LRP1B: variants seen among roughly 807,000 people sequenced by gnomAD.
LRP1B encodes the protein LDL receptor related protein 1B.
In LRP1B, 217 loss-of-function variants were observed where a neutral mutation model predicts 556.6. The observed-to-expected ratio is 0.39, with a 90% CI of 0.35 to 0.44. LRP1B has a LOEUF of 0.44. Ranked by LOEUF, LRP1B falls within the 20% of genes least tolerant of loss-of-function variation. The probability of loss-of-function intolerance (pLI) is 1.00; values close to 1 mark genes in which losing one functional copy is unlikely to be tolerated. For missense variants in LRP1B, 5,053 were observed against 5,620.8 expected (o/e 0.90, Z 3.23); for synonymous variants, 2,047 against 1,865.8 (o/e 1.10, Z -2.50).
At chr2:142,065,587 T>A (rs1705080650) in intron 1 of LRP1B, among the ~76,000 whole-genome samples, 1 of 151,452 alleles carries the variant, frequency 6.6e-6, no homozygotes, top group Non-Finnish European at 1.5e-5. Context: ...CATAATTCCA[T>A]CTTCCACCTT....
chr2:141,099,773 A>C (rs886950891), intron 7 of LRP1B, among the ~76,000 whole-genome samples: 7 of 152,192 alleles, frequency 4.6e-5, no homozygotes, highest in Admixed American at 3.9e-4. Flanking sequence ...CTGTCAACTA[A>C]ATATAGGAAA....
chr2:140,468,825 T>A (rs1398036969), intron 60 of LRP1B, among the ~76,000 whole-genome samples: 2 of 152,222 alleles, frequency 1.3e-5, no homozygotes, highest in African/African-American at 4.8e-5. Context: ...GGTTTTGGTG[T>A]TTGGTCAGAA....
intron 2 of LRP1B, among the ~76,000 whole-genome samples, chr2:141,729,390 T>G (rs930059983): frequency 2.0e-5 from 3 of 152,190 alleles, no homozygotes; most frequent in African/African-American, 7.2e-5. Flanking sequence ...TTACTGGTTT[T>G]GAAGAAGGGT....
chr2:141,938,586 G>T (rs1356836563), intron 1 of LRP1B, among the ~76,000 whole-genome samples: 1 of 152,066 alleles, frequency 6.6e-6, no homozygotes, highest in Non-Finnish European at 1.5e-5. Context: ...TCCTTTTTCT[G>T]GGTATGTATG....
At chr2:140,529,977 C>T (rs975877934) in intron 47 of LRP1B, among the ~76,000 whole-genome samples, 2 of 152,108 alleles carry the variant, frequency 1.3e-5, no homozygotes, top group African/African-American at 2.4e-5. Context: ...TGGCATGTTT[C>T]TTTTCCCCAA....
intron 7 of LRP1B, among the ~76,000 whole-genome samples, chr2:141,117,236 ATT>A (rs34197961): frequency 0.83 from 119,687 of 143,774 alleles, 50,866 homozygotes; most frequent in Non-Finnish European, 0.92. Flanking sequence ...TGGCTACTTC[ATT>A]TTTTTTTTTT....
Position 140,903,030 on chromosome 2 carries a change from C to T in LRP1B, c.3656G>A (p.Ser1219Asn), listed in dbSNP as rs2105222974. The T allele has an allele frequency of 6.2e-7, 1 of 1,613,724 alleles. No homozygotes were observed. The change falls in exon 23 of 91, where the codon AGC (serine) becomes AAC (asparagine). Residue 1219 changes from serine to asparagine, a missense_variant. By Grantham distance (46) the Ser-to-Asn change is conservative. This residue lies in a region of LRP1B where 3,619 missense variants were observed against 3,931.9 expected (regional missense o/e 0.92). Coordinates refer to ENST00000389484, the MANE Select transcript of LRP1B (RefSeq NM_018557.3). The stretch of plus-strand genomic sequence containing the variant: ...TACTTGGCTGCACTTTAGATGATTG[C>T]TACAATAATCCACAATTTCACATGT... Reference protein sequence around the residue: ...NKTCEIVDYCSNHLKCSQVCE... With the variant: ...NKTCEIVDYCNNHLKCSQVCE...
In LRP1B at chr2:140,390,884, A is replaced by T. The variant is rs1459113288; in HGVS notation, c.10415-4875T>A. On this transcript the variant is annotated intron_variant, in intron 66 of 90. Transcript: ENST00000389484. The stretch of plus-strand genomic sequence containing the variant: ...TGCAAATGAAAACTACAATGAGATA[A>T]CACTACATATCTACTGGAATTACTC... 2.0e-5 allele frequency among the ~76,000 whole-genome samples: 3 copies of T among 151,936 alleles called. No individual in the cohort carries two copies. In the East Asian group the frequency reaches 5.8e-4, roughly 29 times the overall value.
intron 18 of LRP1B, among the ~76,000 whole-genome samples, chr2:140,955,235 A>T (rs1434460427): frequency 6.6e-6 from 1 of 151,594 alleles, no homozygotes; most frequent in East Asian, 1.9e-4. Context: ...TGTTTTAAAA[A>T]CCTCTTAAAA....
At chr2:141,298,565 G>C (rs1285405613) in intron 3 of LRP1B, among the ~76,000 whole-genome samples, 1 of 152,086 alleles carries the variant, frequency 6.6e-6, no homozygotes, top group African/African-American at 2.4e-5. Flanking sequence ...GCATCATAGG[G>C]GAGGACAACA....
intron 5 of LRP1B, among the ~76,000 whole-genome samples, chr2:141,230,657 C>T (rs1002929974): frequency 5.3e-5 from 8 of 152,190 alleles, no homozygotes; most frequent in Admixed American, 5.2e-4. Context: ...TCACTCCAGA[C>T]ACACTGCACT....
At chr2:141,183,003 G>A (rs958133188) in intron 7 of LRP1B, among the ~76,000 whole-genome samples, 14 of 151,858 alleles carry the variant, frequency 9.2e-5, no homozygotes, top group African/African-American at 3.1e-4. Flanking sequence ...ACAAAGGGTC[G>A]TATGTTTAAA....
Position 141,947,801 on chromosome 2 carries a change from T to A in LRP1B, c.83-137400A>T, listed in dbSNP as rs906091231. On this transcript the variant is annotated intron_variant, in intron 1 of 90. Transcript: ENST00000389484. ...CTAAAACATCGAGGCAAGAAAAATTTTTTTTTAAATATCAGAAAAAAAAAA... is the reference window on the plus strand; with the variant it reads ...CTAAAACATCGAGGCAAGAAAAATTATTTTTTAAATATCAGAAAAAAAAAA... Among the ~76,000 whole-genome samples the A allele has an allele frequency of 7.9e-5, 8 of 100,740 alleles. No homozygotes were observed. In the Admixed American group the frequency reaches 1.0e-3, roughly 13 times the overall value. 66.1% of individuals were successfully genotyped at this position (100,740 alleles called of 152,430 possible).
intron 41 of LRP1B, among the ~76,000 whole-genome samples, chr2:140,677,693 T>C (rs1685718037): frequency 6.8e-6 from 1 of 147,816 alleles, no homozygotes; most frequent in Non-Finnish European, 1.5e-5. Flanking sequence ...GTCAACATGG[T>C]GAAACCCCGT....
intron 7 of LRP1B, among the ~76,000 whole-genome samples, chr2:141,152,974 T>C (rs1342894522): frequency 6.6e-6 from 1 of 150,714 alleles, no homozygotes; most frequent in Non-Finnish European, 1.5e-5. Context: ...TAGACAGTAC[T>C]TTTCTAGTTT....
At chr2:141,942,524 A>C (rs1379665247) in intron 1 of LRP1B, among the ~76,000 whole-genome samples, 1 of 152,098 alleles carries the variant, frequency 6.6e-6, no homozygotes, top group Non-Finnish European at 1.5e-5. Context: ...AACAAAAAAC[A>C]AACCAACCAA....
intron 75 of LRP1B, among the ~76,000 whole-genome samples, chr2:140,353,758 G>A (rs1232879395): frequency 6.6e-6 from 1 of 151,962 alleles, no homozygotes; most frequent in Non-Finnish European, 1.5e-5. Context: ...TTCCCTTGAG[G>A]ACATAAATTA....
intron 32 of LRP1B, among the ~76,000 whole-genome samples, chr2:140,809,282 T>C (rs1172011809): frequency 6.6e-6 from 1 of 152,212 alleles, no homozygotes; most frequent in African/African-American, 2.4e-5. Flanking sequence ...TTGCTAATAA[T>C]TAAAAATTGT....
At chr2:141,464,098 C>T (rs1682062664) in intron 3 of LRP1B, among the ~76,000 whole-genome samples, 1 of 151,858 alleles carries the variant, frequency 6.6e-6, no homozygotes, top group Admixed American at 6.6e-5. Flanking sequence ...GTCTTCCTAA[C>T]ACTGACTGGT....
Sources: gnomAD v4.1 joint callset for allele counts (sites outside exome capture counted in the v4.1 genomes callset) on GRCh38, gnomAD v4.1.1 for gene constraint, gnomAD v4.1.1 regional missense constraint, MANE v1.5 for transcripts, NCBI Gene and HGNC (gene_info 2026-07-23, HGNC 2026-07-21) for gene names.